The following LEMD2 variants were observed in gnomAD, a reference collection of about 807,000 sequenced individuals.
LEMD2 encodes LEM domain-containing protein 2.
A neutral mutation model predicts 58.8 loss-of-function variants in LEMD2; 34 were observed. The observed-to-expected ratio is 0.58, with a 90% CI of 0.44 to 0.77. The LOEUF is 0.77. Among genes scored for constraint, LEMD2 ranks in the 30% least tolerant of loss-of-function variants. LEMD2 has a pLI of 0.00. For missense variants in LEMD2, 629 were observed against 717.9 expected (o/e 0.88, Z 1.42); for synonymous variants, 298 against 308.9 (o/e 0.96, Z 0.37).
chr6:33,772,589 C>G lies in LEMD2; in HGVS notation c.*39G>C, dbSNP rs1282754171. ...TCCTGTGCCTCTGGAGTGGGCTGTC[C>G]TGGGACAGGCTGACCGGGAACAAGT... On this transcript the variant is annotated 3_prime_UTR_variant, in exon 9 of 9. Coordinates refer to ENST00000293760, the MANE Select transcript of LEMD2 (RefSeq NM_181336.4). 6.3e-7 allele frequency: 1 copy of G among 1,596,522 alleles called. No homozygotes were observed. Among genetic ancestry groups the G allele is most frequent in the Admixed American group, 1.7e-5 (1 of 59,054 alleles).
chr6:33,783,169 A>T (rs951474737), intron 3 of LEMD2, among the ~76,000 whole-genome samples: 1 of 152,172 alleles, frequency 6.6e-6, no homozygotes, highest in African/African-American at 2.4e-5. Flanking sequence ...CACATTTGAG[A>T]CACAAAGGTT....
chr6:33,777,378 A>T, intron 6 of LEMD2, 139 bp from the exon 7 acceptor site: 1 of 704,618 alleles, frequency 1.4e-6, no homozygotes, highest in South Asian at 1.5e-5. Flanking sequence ...GCTCAGGGCC[A>T]GCATGCGAGA....
intron 2 of LEMD2, among the ~76,000 whole-genome samples, chr6:33,786,390 C>T (rs897842705): frequency 1.3e-5 from 2 of 152,150 alleles, no homozygotes; most frequent in Non-Finnish European, 2.9e-5. Context: ...TTAGAAACGC[C>T]GGCCCTTCCT....
chr6:33,788,880 G>A lies in LEMD2; in HGVS notation c.237C>T (p.Ala79=). ...AGGGCTCCGCCCGCGGAGAGGCCGC[G>A]GCGGGCCGGGCGCGCAGCGGCGCAT... ...REDAPLRARP[A]AASPRAEPWL... The change falls in exon 1 of 9, where the codon GCC becomes GCT. Residue 79 remains alanine, a synonymous_variant. Coordinates refer to ENST00000293760, the MANE Select transcript of LEMD2 (RefSeq NM_181336.4). 3 of 1,374,902 alleles carry A rather than the reference G, an allele frequency of 2.2e-6. No homozygotes were observed. The highest frequency in any genetic ancestry group is 2.8e-6 in the Non-Finnish European group (3 of 1,072,998). The allele number at this position is 1,374,902 out of a possible 1,614,324, so 85.2% of individuals were successfully genotyped here.
rs1285886555 is a variant in LEMD2 at position 33,772,657 on chromosome 6, G to A, written c.1483C>T (p.Pro495Ser). 1.2e-6 allele frequency: 2 copies of A among 1,613,904 alleles called. No homozygotes were observed. The highest frequency in any genetic ancestry group is 1.7e-6 in the Non-Finnish European group (2 of 1,180,008). Residue 495 changes from proline to serine, a missense_variant, in exon 9 of 9, where the codon CCC becomes TCC. Coordinates refer to ENST00000293760, the MANE Select transcript of LEMD2 (RefSeq NM_181336.4). Reference protein sequence around the residue: ...EDMLVWRWTKPSSFSDSER With the variant: ...EDMLVWRWTKSSSFSDSER The stretch of plus-strand genomic sequence containing the variant: ...CGCTCTGAGTCAGAGAAGGAAGAGG[G>A]CTTAGTCCATCTCCACACCAGCATG...
intron 4 of LEMD2, 34 bp from the exon 5 acceptor site, chr6:33,780,213 G>A (rs550315732): frequency 4.4e-5 from 68 of 1,533,556 alleles, no homozygotes; most frequent in Admixed American, 1.3e-4. Context: ...TTAGTTCGGC[G>A]TCTGGGCGGA....
chr6:33,786,843 C>T, intron 1 of LEMD2, 69 bp from the exon 2 acceptor site: 1 of 1,600,370 alleles, frequency 6.2e-7, no homozygotes, highest in South Asian at 1.1e-5. Flanking sequence ...AAAGAGACTA[C>T]TCACAACATT....
chr6:33,782,623 T>C (rs1767589505), intron 3 of LEMD2, among the ~76,000 whole-genome samples: 1 of 152,244 alleles, frequency 6.6e-6, no homozygotes, highest in South Asian at 2.1e-4. Flanking sequence ...CTAAAAGGCA[T>C]TGTGCCTCCC....
intron 8 of LEMD2, among the ~76,000 whole-genome samples, chr6:33,775,070 G>T (rs532564113): frequency 6.6e-6 from 1 of 152,350 alleles, no homozygotes; most frequent in African/African-American, 2.4e-5. Flanking sequence ...CTGTGGCACA[G>T]GTTGACTGAG....
At chr6:33,773,597 G>C (rs940979272) in intron 8 of LEMD2, among the ~76,000 whole-genome samples, 1 of 151,378 alleles carries the variant, frequency 6.6e-6, no homozygotes, top group African/African-American at 2.4e-5. Context: ...CAGGAGGCGG[G>C]GGGGGGGCTA....
At position 33,772,416 on chromosome 6, in the gene LEMD2, C is replaced by T. The variant is rs778518596; in HGVS notation, c.*212G>A. 3.3e-4 allele frequency: 165 copies of T among 504,050 alleles called. No individual in the cohort carries two copies. Among genetic ancestry groups the T allele is most frequent in the Non-Finnish European group, 5.3e-4 (152 of 284,718 alleles). The allele number at this position is 504,050 out of a possible 1,614,324, so 31.2% of individuals were successfully genotyped here. ...AACAGGGCAGAGTCTGGGCTATCAC[C>T]CTGGCTTCTCCCCCTCCCTTTAAAG... On this transcript the variant is annotated 3_prime_UTR_variant, in exon 9 of 9. Transcript: ENST00000293760.
At chr6:33,776,246 G>C (rs1767427451) in intron 8 of LEMD2, among the ~76,000 whole-genome samples, 1 of 152,248 alleles carries the variant, frequency 6.6e-6, no homozygotes, top group South Asian at 2.1e-4. Flanking sequence ...GATGTTGCAG[G>C]TAACAGGTGT....
chr6:33,776,405 G>C (rs1483777475), intron 8 of LEMD2, among the ~76,000 whole-genome samples: 2 of 152,184 alleles, frequency 1.3e-5, no homozygotes, highest in African/African-American at 4.8e-5. Context: ...ATGTTCTCTT[G>C]CTTATAAGAC....
At chr6:33,775,363 G>A (rs1767404903) in intron 8 of LEMD2, among the ~76,000 whole-genome samples, 1 of 152,118 alleles carries the variant, frequency 6.6e-6, no homozygotes, top group Non-Finnish European at 1.5e-5. Flanking sequence ...TGTTGTCCAG[G>A]CTGATGTGCA....
Position 33,789,118 on chromosome 6 carries a change from G to A in LEMD2, c.-2C>T. The stretch of plus-strand genomic sequence containing the variant: ...TTCCAGGTCCGACAGGCCGGCCATG[G>A]CCAGGACGCCGCCCCCCGCCCGCCC... On this transcript the variant is annotated 5_prime_UTR_variant, in exon 1 of 9. Coordinates refer to ENST00000293760, the MANE Select transcript of LEMD2 (RefSeq NM_181336.4). 2.0e-6 allele frequency: 3 copies of A among 1,514,176 alleles called. No homozygotes were observed. Among genetic ancestry groups the A allele is most frequent in the Non-Finnish European group, 2.6e-6 (3 of 1,142,150 alleles). The allele number at this position is 1,514,176 out of a possible 1,614,324, so 93.8% of individuals were successfully genotyped here.
Position 33,778,320 on chromosome 6 carries a change from G to A in LEMD2, c.1078C>T (p.His360Tyr). 6.2e-7 allele frequency: 1 copy of A among 1,608,136 alleles called. No homozygotes were observed. Among genetic ancestry groups the A allele is most frequent in the Non-Finnish European group, 8.5e-7 (1 of 1,176,700 alleles). Residue 360 changes from histidine to tyrosine, a missense_variant, in exon 6 of 9, where the codon CAC (histidine) becomes TAC (tyrosine). Physicochemically the swap from His to Tyr is moderately conservative, Grantham distance 83. Transcript: ENST00000293760. The surrounding 1 kb of genome is among the most constrained non-coding windows in gnomAD (Gnocchi z 4.7). ...VDKVVCLESA[H>Y]PRMGVGCRLS... ...CGGCAGCCAACACCCATGCGGGGGTGGGCAGATTCCAGGCAGACCACCTTG... is the reference window on the plus strand; with the variant it reads ...CGGCAGCCAACACCCATGCGGGGGTAGGCAGATTCCAGGCAGACCACCTTG...
intron 8 of LEMD2, 96 bp from the exon 9 acceptor site, chr6:33,772,874 C>T: frequency 8.4e-7 from 1 of 1,183,580 alleles, no homozygotes; most frequent in Non-Finnish European, 1.2e-6. Context: ...CAGGCTCTGG[C>T]ATGGAATTTA....
intron 8 of LEMD2, among the ~76,000 whole-genome samples, chr6:33,775,842 G>T (rs77367600): frequency 6.6e-6 from 1 of 152,242 alleles, no homozygotes. Context: ...GTTTGCATCT[G>T]TGGAGAGCTC....
Position 33,788,401 on chromosome 6 carries a change from G to A in LEMD2, c.716C>T (p.Pro239Leu), listed in dbSNP as rs1466128568. 2.5e-6 allele frequency: 4 copies of A among 1,581,892 alleles called. No homozygotes were observed. Among genetic ancestry groups the A allele is most frequent in the African/African-American group, 1.4e-5 (1 of 74,024 alleles). ...LWVKMGKPSA[P>L]QEAEDNMKLL... ...CGTACTGTTGTCCTCCGCCTCCTGC[G>A]GCGCTGAGGGCTTGCCCATCTTCAC... Residue 239 changes from proline (P) to leucine (L), a missense_variant, in exon 1 of 9, where the codon CCG becomes CTG. This residue lies in a region of LEMD2 where 386 missense variants were observed against 381.1 expected (regional missense o/e 1.01). Transcript: ENST00000293760.
Sources: allele counts gnomAD v4.1 joint callset (sites outside exome capture counted in the v4.1 genomes callset), GRCh38; gene constraint gnomAD v4.1.1; regional missense constraint gnomAD v4.1.1; non-coding constraint Gnocchi (gnomAD v3.1); transcripts MANE v1.5; gene names NCBI Gene and HGNC (gene_info 2026-07-23, HGNC 2026-07-21).